Variants in FSIP1 observed in about 807,000 individuals in gnomAD.
The protein encoded by FSIP1 is fibrous sheath interacting protein 1, also known as fibrous sheath-interacting protein 1.
A neutral mutation model predicts 60.9 loss-of-function variants in FSIP1; 65 were observed. That is an observed-to-expected ratio of 1.07 (90% confidence interval 0.87 to 1.31). The LOEUF is 1.31. Ranked by LOEUF, FSIP1 falls within the 40% of genes most tolerant of loss-of-function variation. FSIP1 has a pLI of 0.00. For synonymous variants in FSIP1, 209 were observed against 221.2 expected (o/e 0.94, Z 0.49); for missense variants, 675 against 665.5 (o/e 1.01, Z -0.16).
intron 10 of FSIP1, among the ~76,000 whole-genome samples, chr15:39,626,973 C>T (rs1460677437): frequency 6.6e-6 from 1 of 151,976 alleles, no homozygotes; most frequent in Non-Finnish European, 1.5e-5. Flanking sequence ...TATCTGGACC[C>T]TTCCCCCCTC....
chr15:39,674,921 G>T (rs970864124), intron 10 of FSIP1, among the ~76,000 whole-genome samples: 1 of 151,996 alleles, frequency 6.6e-6, no homozygotes. Flanking sequence ...ACTGGGAGAG[G>T]ATAGCTCCCA....
intron 1 of FSIP1, among the ~76,000 whole-genome samples, chr15:39,779,200 A>G (rs550049479): frequency 6.6e-6 from 1 of 152,206 alleles, no homozygotes; most frequent in South Asian, 2.1e-4. Flanking sequence ...AAGATTTTAA[A>G]CAGAAATGCA....
At chr15:39,730,910 T>A (rs1355882382) in intron 8 of FSIP1, among the ~76,000 whole-genome samples, 1 of 152,190 alleles carries the variant, frequency 6.6e-6, no homozygotes, top group Admixed American at 6.5e-5. Flanking sequence ...TGCCTGGACA[T>A]CTGCCCGGTG....
chr15:39,780,624 T>C (rs1446247685), intron 1 of FSIP1, among the ~76,000 whole-genome samples: 2 of 152,240 alleles, frequency 1.3e-5, no homozygotes, highest in African/African-American at 4.8e-5. Context: ...ATGCAGCACT[T>C]TTTTCATCAG....
At chr15:39,609,987 A>G (rs1287911983) in intron 11 of FSIP1, among the ~76,000 whole-genome samples, 1 of 152,250 alleles carries the variant, frequency 6.6e-6, no homozygotes, top group Admixed American at 6.5e-5. Context: ...GTGAAGGTCT[A>G]CCACTGTGAA....
At chr15:39,730,485 A>G (rs184404073) in intron 8 of FSIP1, among the ~76,000 whole-genome samples, 3 of 152,356 alleles carry the variant, frequency 2.0e-5, no homozygotes. Flanking sequence ...AACTTATTTC[A>G]TACATTTTGA....
intron 5 of FSIP1, among the ~76,000 whole-genome samples, chr15:39,755,067 A>C (rs528386812): frequency 6.9e-6 from 1 of 144,242 alleles, no homozygotes; most frequent in Middle Eastern, 3.5e-3. Flanking sequence ...GAGTAAGATT[A>C]AAAAAAAAAA....
rs184317777 is a variant in FSIP1 at position 39,778,147 on chromosome 15, G to A, written c.-7-1616C>T. On this transcript the variant is annotated intron_variant, in intron 1 of 11. Coordinates refer to ENST00000350221, the MANE Select transcript of FSIP1 (RefSeq NM_152597.5). Reference sequence around the variant, plus strand: ...AGCACTGACATTATTATTGTGGGATGATGGATCACCCTGGCCCCTCACATC... The same window carrying A: ...AGCACTGACATTATTATTGTGGGATAATGGATCACCCTGGCCCCTCACATC... 3.3e-5 allele frequency among the ~76,000 whole-genome samples: 5 copies of A among 152,352 alleles called. No homozygotes were observed. In the East Asian group the frequency reaches 9.6e-4, roughly 29 times the overall value.
intron 10 of FSIP1, among the ~76,000 whole-genome samples, chr15:39,712,678 A>G (rs1032279094): frequency 3.3e-5 from 5 of 152,342 alleles, no homozygotes; most frequent in African/African-American, 1.2e-4. Flanking sequence ...CCAGGTATCC[A>G]GCTGAAAACA....
chr15:39,623,171 C>G (rs879440455), intron 10 of FSIP1, among the ~76,000 whole-genome samples: 3 of 152,208 alleles, frequency 2.0e-5, no homozygotes, highest in Non-Finnish European at 4.4e-5. Context: ...GATTACCTCA[C>G]TCTCATCCCT....
intron 11 of FSIP1, among the ~76,000 whole-genome samples, chr15:39,613,723 C>G (rs1891117695): frequency 6.6e-6 from 1 of 152,002 alleles, no homozygotes; most frequent in Non-Finnish European, 1.5e-5. Flanking sequence ...ACTAGCAAAC[C>G]GAATTCAAAA....
chr15:39,619,033 G>A (rs995988613), intron 10 of FSIP1, among the ~76,000 whole-genome samples: 1 of 152,082 alleles, frequency 6.6e-6, no homozygotes, highest in African/African-American at 2.4e-5. Context: ...CCTTTACAGG[G>A]GGATGAATTA....
chr15:39,631,490 G>T (rs898989824), intron 10 of FSIP1, among the ~76,000 whole-genome samples: 1 of 152,236 alleles, frequency 6.6e-6, no homozygotes, highest in Non-Finnish European at 1.5e-5. Flanking sequence ...GGTGCTGAAA[G>T]TATTCTCCAT....
intron 9 of FSIP1, among the ~76,000 whole-genome samples, chr15:39,721,908 A>T (rs75675072): frequency 0.02 from 3,013 of 152,252 alleles, 95 homozygotes; most frequent in African/African-American, 0.069. Flanking sequence ...AAATCATTAA[A>T]CCCTTTGTAA....
intron 1 of FSIP1, among the ~76,000 whole-genome samples, chr15:39,778,111 T>A (rs1402273620): frequency 2.0e-5 from 3 of 152,196 alleles, no homozygotes; most frequent in African/African-American, 7.2e-5. Flanking sequence ...GAGTTTGGGC[T>A]CACTCAGGAA....
intron 5 of FSIP1, among the ~76,000 whole-genome samples, chr15:39,749,167 T>C (rs1423947858): frequency 2.0e-5 from 3 of 147,652 alleles, no homozygotes; most frequent in Non-Finnish European, 4.5e-5. Context: ...AATTAAAAAC[T>C]TCCCCGCAAA....
At chr15:39,645,633 C>G (rs975463661) in intron 10 of FSIP1, among the ~76,000 whole-genome samples, 4 of 152,232 alleles carry the variant, frequency 2.6e-5, no homozygotes, top group African/African-American at 9.6e-5. Context: ...GGAGCCCTGC[C>G]TCTTCCGAGT....
At chr15:39,603,318 C>T (rs1359418969) in intron 11 of FSIP1, among the ~76,000 whole-genome samples, 1 of 152,170 alleles carries the variant, frequency 6.6e-6, no homozygotes, top group African/African-American at 2.4e-5. Context: ...CAGAAACTGA[C>T]TTAAATGACT....
At chr15:39,724,542 G>A (rs919639437) in intron 9 of FSIP1, among the ~76,000 whole-genome samples, 4 of 152,146 alleles carry the variant, frequency 2.6e-5, no homozygotes, top group African/African-American at 7.2e-5. Flanking sequence ...ATAAGCCACT[G>A]CGCCTGGCCC....
Sources: gnomAD v4.1 joint callset for allele counts (sites outside exome capture counted in the v4.1 genomes callset) on GRCh38, gnomAD v4.1.1 for gene constraint, MANE v1.5 for transcripts, NCBI Gene and HGNC (gene_info 2026-07-23, HGNC 2026-07-21) for gene names.